The following EPHA3 variants were observed in gnomAD, a reference collection of about 807,000 sequenced individuals.
The protein encoded by EPHA3 is EPH receptor A3.
Under a neutral mutation model 107.1 loss-of-function variants are expected in EPHA3, and 42 were observed. The ratio of observed to expected loss-of-function variants is 0.39; its 90% CI spans 0.31 to 0.51. The LOEUF (loss-of-function observed/expected upper bound fraction) is 0.51. Among genes scored for constraint, EPHA3 ranks in the 20% least tolerant of loss-of-function variants. The pLI is 0.78. For synonymous variants in EPHA3, 461 were observed against 424.8 expected (o/e 1.09, Z -1.05); for missense variants, 1,183 against 1,211.2 (o/e 0.98, Z 0.35).
At chr3:89,475,665 GA>G (rs1710491913) in intron 16 of EPHA3, among the ~76,000 whole-genome samples, 1 of 152,202 alleles carries the variant, frequency 6.6e-6, no homozygotes, top group African/African-American at 2.4e-5. Flanking sequence ...ACTAGAAAGA[GA>G]ATTAAGTGTG....
At chr3:89,290,845 T>G (rs1216386039) in intron 3 of EPHA3, among the ~76,000 whole-genome samples, 1 of 152,182 alleles carries the variant, frequency 6.6e-6, no homozygotes. Flanking sequence ...ATAATTGAAA[T>G]AAATTATTAA....
rs1403842668 is a variant in EPHA3 at position 89,348,566 on chromosome 3, G to A, written c.1306+6476G>A. ...TTTTGTTGATCCTCTCAAAAAACCA[G>A]CTCCTGGATTCATTGATTTTTTGAA... On this transcript the variant is annotated intron_variant, in intron 5 of 16. Transcript: ENST00000336596. Among the ~76,000 whole-genome samples the A allele has an allele frequency of 6.3e-5, 9 of 142,016 alleles. 1 individual carries two copies. The highest frequency in any genetic ancestry group is 2.6e-4 in the African/African-American group (9 of 35,244). The allele number at this position is 142,016 out of a possible 152,430, so 93.2% of individuals were successfully genotyped here.
At chr3:89,316,189 C>A (rs1275221518) in intron 3 of EPHA3, among the ~76,000 whole-genome samples, 1 of 151,632 alleles carries the variant, frequency 6.6e-6, no homozygotes, top group Non-Finnish European at 1.5e-5. Flanking sequence ...GAGAAAATCA[C>A]CCTGAATTAT....
At chr3:89,321,606 A>C (rs938872886) in intron 3 of EPHA3, among the ~76,000 whole-genome samples, 10 of 152,102 alleles carry the variant, frequency 6.6e-5, no homozygotes, top group Non-Finnish European at 1.3e-4. Context: ...AAGTGCGAGC[A>C]AATAGAAAAA....
At chr3:89,201,660 A>G (rs947692127) in intron 2 of EPHA3, among the ~76,000 whole-genome samples, 1 of 152,054 alleles carries the variant, frequency 6.6e-6, no homozygotes, top group Non-Finnish European at 1.5e-5. Context: ...GTTTTCATGA[A>G]TTTTTCTTAA....
intron 10 of EPHA3, among the ~76,000 whole-genome samples, chr3:89,418,848 C>T (rs536441480): frequency 2.8e-4 from 43 of 151,512 alleles, no homozygotes; most frequent in Admixed American, 4.6e-4. Context: ...ACTGTTGGTG[C>T]TGTCCTGTTA....
chr3:89,351,077 T>A (rs1180160131), intron 5 of EPHA3, among the ~76,000 whole-genome samples: 1 of 151,344 alleles, frequency 6.6e-6, no homozygotes, highest in Non-Finnish European at 1.5e-5. Flanking sequence ...TTTGTTTGTC[T>A]TTGCCCTGCC....
intron 2 of EPHA3, among the ~76,000 whole-genome samples, chr3:89,148,975 G>A (rs1262455385): frequency 2.0e-5 from 3 of 151,950 alleles, no homozygotes; most frequent in Non-Finnish European, 4.4e-5. Context: ...AGGAACCTGA[G>A]AATACCGAGT....
chr3:89,442,696 T>G (rs1709808676), intron 13 of EPHA3, among the ~76,000 whole-genome samples: 1 of 152,154 alleles, frequency 6.6e-6, no homozygotes, highest in African/African-American at 2.4e-5. Context: ...TTCTCTCAGG[T>G]ACTTTCTATT....
intron 3 of EPHA3, among the ~76,000 whole-genome samples, chr3:89,334,122 C>T (rs1461952982): frequency 2.6e-5 from 4 of 152,122 alleles, no homozygotes; most frequent in Non-Finnish European, 4.4e-5. Context: ...AAGGGGATGA[C>T]TATCATAACA....
At chr3:89,459,981 G>C in intron 15 of EPHA3, among the ~76,000 whole-genome samples, 1 of 152,174 alleles carries the variant, frequency 6.6e-6, no homozygotes, top group Non-Finnish European at 1.5e-5. Context: ...TATTTTGAAA[G>C]ATTATAATAT....
chr3:89,278,082 C>T (rs527907498), intron 3 of EPHA3, among the ~76,000 whole-genome samples: 1 of 152,292 alleles, frequency 6.6e-6, no homozygotes, highest in African/African-American at 2.4e-5. Context: ...TTTCTAAAAA[C>T]ATGTGTAATT....
intron 7 of EPHA3, among the ~76,000 whole-genome samples, chr3:89,400,793 G>A (rs1201059910): frequency 6.6e-6 from 1 of 152,080 alleles, no homozygotes; most frequent in East Asian, 1.9e-4. Flanking sequence ...TAGTAAATAA[G>A]TGTTATTTCA....
At chr3:89,150,134 T>C (rs1017826105) in intron 2 of EPHA3, among the ~76,000 whole-genome samples, 3 of 151,968 alleles carry the variant, frequency 2.0e-5, no homozygotes, top group African/African-American at 7.2e-5. Flanking sequence ...GGATATTGAT[T>C]TCATGCTAAT....
chr3:89,165,056 T>C (rs569379915), intron 2 of EPHA3, among the ~76,000 whole-genome samples: 10 of 152,280 alleles, frequency 6.6e-5, no homozygotes, highest in African/African-American at 2.4e-4. Flanking sequence ...AGTCTTTCTG[T>C]CACCTCTGAT....
At chr3:89,165,140 A>T (rs1299847924) in intron 2 of EPHA3, among the ~76,000 whole-genome samples, 1 of 152,194 alleles carries the variant, frequency 6.6e-6, no homozygotes, top group Non-Finnish European at 1.5e-5. Context: ...CTAATGCAAC[A>T]ACATTCTAGA....
chr3:89,200,369 T>A (rs1361284128), intron 2 of EPHA3, among the ~76,000 whole-genome samples: 1 of 152,218 alleles, frequency 6.6e-6, no homozygotes. Context: ...TATCTTCACA[T>A]GTAGATATTC....
intron 15 of EPHA3, among the ~76,000 whole-genome samples, chr3:89,460,882 T>A (rs1710221416): frequency 7.6e-6 from 1 of 131,968 alleles, no homozygotes; most frequent in Admixed American, 7.5e-5. Flanking sequence ...TTGTGCAGGT[T>A]AGTTACATAT....
intron 5 of EPHA3, among the ~76,000 whole-genome samples, chr3:89,391,246 A>T (rs1268034118): frequency 6.6e-6 from 1 of 152,156 alleles, no homozygotes; most frequent in Non-Finnish European, 1.5e-5. Flanking sequence ...GAGTTTCTTT[A>T]GTACTGGCGG....
Sources: gnomAD v4.1 joint callset for allele counts (sites outside exome capture counted in the v4.1 genomes callset) on GRCh38, gnomAD v4.1.1 for gene constraint, MANE v1.5 for transcripts, NCBI Gene and HGNC (gene_info 2026-07-23, HGNC 2026-07-21) for gene names.